The following PACS1 variants were observed in gnomAD, a reference collection of about 807,000 sequenced individuals.
PACS1 encodes phosphofurin acidic cluster sorting protein 1, also known as PACS-1.
In PACS1, 24 loss-of-function variants were observed where a neutral mutation model predicts 115.0. That is an observed-to-expected ratio of 0.21 (90% CI 0.15 to 0.29). The LOEUF (loss-of-function observed/expected upper bound fraction) is 0.29. Ranked by LOEUF, PACS1 falls within the 10% of genes least tolerant of loss-of-function variation. The pLI is 1.00. For missense variants in PACS1, 838 were observed against 1,251.2 expected (o/e 0.67, Z 4.98); for synonymous variants, 453 against 504.5 (o/e 0.90, Z 1.37).
intron 1 of PACS1, among the ~76,000 whole-genome samples, chr11:66,164,088 C>G (rs181393209): frequency 6.6e-6 from 1 of 152,246 alleles, no homozygotes; most frequent in Admixed American, 6.5e-5. Flanking sequence ...AGTGAAATCA[C>G]AAGTTGGTGT....
At chr11:66,133,877 TA>T (rs2134581723) in intron 1 of PACS1, among the ~76,000 whole-genome samples, 1 of 152,286 alleles carries the variant, frequency 6.6e-6, no homozygotes, top group South Asian at 2.1e-4. Flanking sequence ...TAATTATTTA[TA>T]AAAATATCTA....
At chr11:66,105,519 T>C (rs1858018188) in intron 1 of PACS1, among the ~76,000 whole-genome samples, 1 of 152,160 alleles carries the variant, frequency 6.6e-6, no homozygotes, top group South Asian at 2.1e-4. Context: ...CTCCCTAAAA[T>C]ATGAATGAAT....
chr11:66,109,287 C>G (rs915057264), intron 1 of PACS1, among the ~76,000 whole-genome samples: 1 of 152,036 alleles, frequency 6.6e-6, no homozygotes, highest in Admixed American at 6.5e-5. Context: ...TATGGCCAGG[C>G]GTGGTGGCTC....
intron 1 of PACS1, among the ~76,000 whole-genome samples, chr11:66,137,997 G>A (rs1170925005): frequency 6.6e-6 from 1 of 152,122 alleles, no homozygotes; most frequent in African/African-American, 2.4e-5. Flanking sequence ...CTTCTAGAAT[G>A]CTGGTATTAC....
chr11:66,189,658 C>A (rs1174967196), intron 1 of PACS1, among the ~76,000 whole-genome samples: 3 of 152,206 alleles, frequency 2.0e-5, no homozygotes, highest in Non-Finnish European at 2.9e-5. Flanking sequence ...AGTGAAGAAT[C>A]TTAAGCAGAG....
intron 1 of PACS1, among the ~76,000 whole-genome samples, chr11:66,093,341 A>C (rs1857706743): frequency 1.3e-5 from 2 of 150,706 alleles, no homozygotes; most frequent in Non-Finnish European, 3.0e-5. Flanking sequence ...AAATAAAAGG[A>C]TGGAGGAAGA....
chr11:66,097,203 C>G (rs1857805589), intron 1 of PACS1, among the ~76,000 whole-genome samples: 1 of 152,114 alleles, frequency 6.6e-6, no homozygotes, highest in Admixed American at 6.5e-5. Context: ...GTCCTGTGCC[C>G]TTGGGTGCAG....
At chr11:66,170,837 G>A (rs1327761033) in intron 1 of PACS1, among the ~76,000 whole-genome samples, 2 of 147,590 alleles carry the variant, frequency 1.4e-5, no homozygotes, top group East Asian at 3.9e-4. Context: ...AGCTACTTGG[G>A]AGGCAGAGAT....
Position 66,185,149 on chromosome 11 carries a change from A to G in PACS1, c.357-8337A>G, listed in dbSNP as rs115754463. Among the ~76,000 whole-genome samples the G allele has an allele frequency of 3.1e-3, 465 of 152,370 alleles. 2 individuals are homozygous for G. Among genetic ancestry groups the G allele is most frequent in the African/African-American group, 0.01 (436 of 41,594 alleles). ...CTGAACTCATAAAAATATGAAAAGTAAGCGGTGAGAGCAGATCAAGGGACC... is the reference window on the plus strand; with the variant it reads ...CTGAACTCATAAAAATATGAAAAGTGAGCGGTGAGAGCAGATCAAGGGACC... On this transcript the variant is annotated intron_variant, in intron 1 of 23. Coordinates refer to ENST00000320580, the MANE Select transcript of PACS1 (RefSeq NM_018026.4).
intron 2 of PACS1, among the ~76,000 whole-genome samples, chr11:66,194,000 G>A (rs1854590166): frequency 6.6e-6 from 1 of 152,182 alleles, no homozygotes; most frequent in Admixed American, 6.5e-5. Context: ...GTCTCGCTCT[G>A]TCACCCAGGC....
chr11:66,170,774 G>GA (rs35955463), intron 1 of PACS1, among the ~76,000 whole-genome samples: 5,155 of 113,624 alleles, frequency 0.045, 180 homozygotes, highest in East Asian at 0.19. Flanking sequence ...CTCATCTCTG[G>GA]AAAAAAAAAA....
chr11:66,159,263 C>T (rs1859434999), intron 1 of PACS1, among the ~76,000 whole-genome samples: 1 of 151,974 alleles, frequency 6.6e-6, no homozygotes. Context: ...CATGGGGAAA[C>T]CCCATCTCTA....
chr11:66,222,719 T>C (rs868291804), intron 10 of PACS1, among the ~76,000 whole-genome samples: 3 of 152,116 alleles, frequency 2.0e-5, no homozygotes, highest in Middle Eastern at 6.8e-3. Flanking sequence ...TCGGTAGTAA[T>C]TGTGCGGAGA....
intron 1 of PACS1, among the ~76,000 whole-genome samples, chr11:66,120,148 CT>C (rs367965167): frequency 2.6e-4 from 35 of 135,256 alleles, no homozygotes; most frequent in Non-Finnish European, 2.5e-4. Context: ...TCTGTGAACT[CT>C]TTTTTTTTTT....
intron 1 of PACS1, among the ~76,000 whole-genome samples, chr11:66,139,122 T>C (rs1858917863): frequency 6.6e-6 from 1 of 152,196 alleles, no homozygotes; most frequent in Non-Finnish European, 1.5e-5. Flanking sequence ...GAAAACATCA[T>C]GCTACTGTTT....
At chr11:66,113,508 CAG>C (rs1858231980) in intron 1 of PACS1, among the ~76,000 whole-genome samples, 1 of 152,156 alleles carries the variant, frequency 6.6e-6, no homozygotes, top group South Asian at 2.1e-4. Context: ...TATCTCCAAA[CAG>C]ATACTTTTAC....
intron 10 of PACS1, among the ~76,000 whole-genome samples, chr11:66,222,189 A>G (rs1473450351): frequency 6.6e-6 from 1 of 152,122 alleles, no homozygotes; most frequent in Non-Finnish European, 1.5e-5. Flanking sequence ...GCGTTTGGCC[A>G]GTAGTGAGTG....
intron 1 of PACS1, among the ~76,000 whole-genome samples, chr11:66,166,792 A>G (rs1207297150): frequency 6.6e-6 from 1 of 150,422 alleles, no homozygotes; most frequent in African/African-American, 2.5e-5. Flanking sequence ...AGGAACTTAT[A>G]ATGGGCCAGG....
intron 1 of PACS1, among the ~76,000 whole-genome samples, chr11:66,078,548 G>T (rs1361579028): frequency 6.6e-6 from 1 of 152,098 alleles, no homozygotes; most frequent in African/African-American, 2.4e-5. Context: ...TTTTAGACTG[G>T]TTATTTTGTT....
Sources: gnomAD v4.1 joint callset for allele counts (sites outside exome capture counted in the v4.1 genomes callset) on GRCh38, gnomAD v4.1.1 for gene constraint, MANE v1.5 for transcripts, NCBI Gene and HGNC (gene_info 2026-07-23, HGNC 2026-07-21) for gene names.